BMPER: variants seen among roughly 807,000 people sequenced by gnomAD.
The protein encoded by BMPER is BMP binding endothelial regulator, also known as BMP-binding endothelial regulator protein.
BMPER carries 45 observed loss-of-function variants against 87.3 expected under a neutral mutation model. The observed-to-expected ratio is 0.52, with a 90% CI of 0.41 to 0.66. The LOEUF (loss-of-function observed/expected upper bound fraction) is 0.66. Among genes scored for constraint, BMPER ranks in the 30% least tolerant of loss-of-function variants. BMPER has a pLI of 0.00. For synonymous variants in BMPER, 326 were observed against 316.2 expected, an observed-to-expected ratio of 1.03 and a Z score of -0.33; for missense variants, 784 against 867.5, an observed-to-expected ratio of 0.90 and a Z score of 1.21.
intron 9 of BMPER, among the ~76,000 whole-genome samples, chr7:34,057,381 G>C (rs1788313339): frequency 6.6e-6 from 1 of 152,182 alleles, no homozygotes; most frequent in African/African-American, 2.4e-5. Context: ...CTTTCTGTCT[G>C]AGCAAGGATC....
At chr7:34,044,341 G>C (rs957793941) in intron 6 of BMPER, among the ~76,000 whole-genome samples, 2 of 152,204 alleles carry the variant, frequency 1.3e-5, no homozygotes, top group Non-Finnish European at 2.9e-5. Flanking sequence ...TTGAAAAATA[G>C]ATGCTGATCC....
At chr7:33,958,969 A>G (rs1785208373) in intron 3 of BMPER, among the ~76,000 whole-genome samples, 1 of 152,132 alleles carries the variant, frequency 6.6e-6, no homozygotes, top group Non-Finnish European at 1.5e-5. Context: ...TAAGTCTCAC[A>G]AGATACGCTG....
At chr7:33,933,540 C>A (rs1784530072) in intron 2 of BMPER, among the ~76,000 whole-genome samples, 1 of 150,168 alleles carries the variant, frequency 6.7e-6, no homozygotes, top group African/African-American at 2.5e-5. Flanking sequence ...CAAACTCAAG[C>A]TGGGATTTGG....
chr7:34,123,146 T>C (rs532274158), intron 13 of BMPER, among the ~76,000 whole-genome samples: 1 of 152,348 alleles, frequency 6.6e-6, no homozygotes, highest in Non-Finnish European at 1.5e-5. Flanking sequence ...TGCTACAGTC[T>C]AATGTGTGTA....
intron 6 of BMPER, among the ~76,000 whole-genome samples, chr7:33,986,879 A>AT (rs532259564): frequency 3.1e-4 from 47 of 152,252 alleles, no homozygotes; most frequent in South Asian, 2.3e-3. Flanking sequence ...CATTTAAAAA[A>AT]CCAGTTTGGT....
At chr7:33,910,869 C>T (rs1357176509) in intron 2 of BMPER, among the ~76,000 whole-genome samples, 1 of 152,182 alleles carries the variant, frequency 6.6e-6, no homozygotes, top group Non-Finnish European at 1.5e-5. Context: ...ATAAAATCCT[C>T]ATGTTCTTCA....
At chr7:33,948,870 G>A (rs77058369) in intron 3 of BMPER, among the ~76,000 whole-genome samples, 3,402 of 152,208 alleles carry the variant, frequency 0.022, 136 homozygotes, top group African/African-American at 0.078. Flanking sequence ...CATACTGCCT[G>A]TGAGATAAGC....
chr7:34,067,272 A>G lies in BMPER; in HGVS notation c.1078+5225A>G, dbSNP rs370409461. On this transcript the variant is annotated intron_variant, in intron 11 of 14. Transcript: ENST00000649409. The stretch of plus-strand genomic sequence containing the variant: ...GGAGCCCTGCCTGCTGCCTACACCC[A>G]CCACAGCCACTCGTTTTGGCACATC... 4 of 152,112 alleles carry G rather than the reference A, an allele frequency of 2.6e-5. No homozygotes were observed. In the East Asian group the frequency reaches 7.7e-4, roughly 29 times the overall value. 9.4% of individuals were successfully genotyped at this position (152,112 alleles called of 1,614,324 possible). A position where few individuals can be genotyped will look rare whatever the true frequency, so the allele number is the denominator to read the frequency against.
At chr7:34,030,907 A>G (rs1562699107) in intron 6 of BMPER, among the ~76,000 whole-genome samples, 1 of 152,010 alleles carries the variant, frequency 6.6e-6, no homozygotes, top group Non-Finnish European at 1.5e-5. Flanking sequence ...CTCCCTATAC[A>G]TTGATTTTTT....
chr7:34,155,030 A>G lies in BMPER; in HGVS notation c.*1757A>G, dbSNP rs1293906802. 6.6e-6 allele frequency: 1 copy of G among 152,186 alleles called. No individual in the cohort carries two copies. Among genetic ancestry groups the G allele is most frequent in the Non-Finnish European group, 1.5e-5 (1 of 68,026 alleles). The allele number at this position is 152,186 out of a possible 1,614,324, so 9.4% of individuals were successfully genotyped here. ...CTCACTTTTGCTTATCTGTAACACA[A>G]AGAGGCCATGTAGTATAGTGAGCAG... On this transcript the variant is annotated 3_prime_UTR_variant, in exon 15 of 15. Transcript: ENST00000649409.
chr7:33,933,170 T>C (rs77824783), intron 2 of BMPER, among the ~76,000 whole-genome samples: 1,807 of 152,330 alleles, frequency 0.012, 17 homozygotes, highest in Middle Eastern at 0.031. Context: ...GTCATGTTGA[T>C]TTTTAAAAAA....
intron 6 of BMPER, among the ~76,000 whole-genome samples, chr7:33,988,075 A>T (rs1486155839): frequency 6.6e-6 from 1 of 152,088 alleles, no homozygotes; most frequent in Non-Finnish European, 1.5e-5. Flanking sequence ...ATGAAAAATT[A>T]CTCTCACTAC....
At position 34,002,970 on chromosome 7, in the gene BMPER, GTC is replaced by G. The variant is rs1170627481; in HGVS notation, c.576+28190_576+28191del. Among the ~76,000 whole-genome samples the G allele has an allele frequency of 5.3e-5, 8 of 151,542 alleles. No homozygotes were observed. In the East Asian group the frequency reaches 1.5e-3, roughly 29 times the overall value. Reference sequence around the variant, plus strand: ...CTTTAAAAAAAAATCAATTCTGCCAGTCTCTGCTTTTTGATTGGAATATTTGG... The same window carrying G: ...CTTTAAAAAAAAATCAATTCTGCCAGTCTGCTTTTTGATTGGAATATTTGG... On this transcript the variant is annotated intron_variant, in intron 6 of 14. Transcript: ENST00000649409.
chr7:33,905,419 G>GCCCCCCCC, upstream of BMPER: 54 of 110,384 alleles, frequency 4.9e-4, no homozygotes, highest in South Asian at 1.8e-3. Context: ...CTCCCCGGGC[G>GCCCCCCCC]CCCCCACACC....
intron 3 of BMPER, among the ~76,000 whole-genome samples, chr7:33,943,006 T>G (rs865947632): frequency 6.6e-6 from 1 of 152,220 alleles, no homozygotes; most frequent in African/African-American, 2.4e-5. Flanking sequence ...AAACTTTCTT[T>G]TCTTTTTCCC....
At chr7:34,063,388 T>C (rs1293918980) in intron 11 of BMPER, among the ~76,000 whole-genome samples, 1 of 130,278 alleles carries the variant, frequency 7.7e-6, no homozygotes, top group Admixed American at 7.3e-5. Flanking sequence ...TATGTGTGTG[T>C]GTGTGTGTGT....
chr7:34,069,684 G>T (rs534733969), intron 11 of BMPER, among the ~76,000 whole-genome samples: 3 of 152,286 alleles, frequency 2.0e-5, no homozygotes, highest in African/African-American at 7.2e-5. Flanking sequence ...AGGTTTGCCA[G>T]TTACTTTCTT....
At chr7:34,020,888 A>ACG (rs1361334447) in intron 6 of BMPER, among the ~76,000 whole-genome samples, 12 of 147,342 alleles carry the variant, frequency 8.1e-5, no homozygotes, top group Non-Finnish European at 1.5e-4. Context: ...ACACACACAC[A>ACG]CACGCACGCA....
intron 2 of BMPER, among the ~76,000 whole-genome samples, chr7:33,929,866 ATTCTTAATAG>A (rs1331178214): frequency 6.6e-6 from 1 of 152,250 alleles, no homozygotes; most frequent in Admixed American, 6.5e-5. Context: ...AGGTGTTATT[ATTCTTAATAG>A]TTCAGCAACC....
Sources: allele counts gnomAD v4.1 joint callset (sites outside exome capture counted in the v4.1 genomes callset), GRCh38; gene constraint gnomAD v4.1.1; transcripts MANE v1.5; gene names NCBI Gene and HGNC (gene_info 2026-07-23, HGNC 2026-07-21).